UNK: variants seen among roughly 807,000 people sequenced by gnomAD.
The protein encoded by UNK is unk zinc finger, also known as RING finger protein unkempt homolog.
Under a neutral mutation model 97.6 loss-of-function variants are expected in UNK, and 32 were observed. That is an observed-to-expected ratio of 0.33 (90% confidence interval 0.25 to 0.44). UNK has a LOEUF of 0.44. Among genes scored for constraint, UNK ranks in the 20% least tolerant of loss-of-function variants. UNK has a pLI of 1.00. For missense variants in UNK, 771 were observed against 1,098.4 expected, an observed-to-expected ratio of 0.70 and a Z score of 4.21; for synonymous variants, 441 against 461.2, an observed-to-expected ratio of 0.96 and a Z score of 0.56.
chr17:75,799,985 C>T (rs1387197665), intron 1 of UNK, among the ~76,000 whole-genome samples: 1 of 152,132 alleles, frequency 6.6e-6, no homozygotes, highest in Admixed American at 6.6e-5. Context: ...ACAAAAAAAC[C>T]CAAGTGTAGA....
chr17:75,784,994 G>GCCCCCCCCCCC lies in UNK; in HGVS notation c.104+13_104+23dup, dbSNP rs11335367. ...AACCGCAGCACTACACGTACGTAGAGCCCCCCCCCCCCCGCCGCGCGCGCA... is the reference window on the plus strand; with the variant it reads ...AACCGCAGCACTACACGTACGTAGAGCCCCCCCCCCCCCCCCCCCCCCCCGCCGCGCGCGCA... On this transcript the variant is annotated intron_variant, in intron 1 of 15. Transcript: ENST00000589666. 13 of 987,884 alleles carry GCCCCCCCCCCC rather than the reference G, an allele frequency of 1.3e-5. No individual in the cohort carries two copies. Among genetic ancestry groups the GCCCCCCCCCCC allele is most frequent in the Admixed American group, 4.9e-5 (1 of 20,422 alleles). 61.2% of individuals were successfully genotyped at this position (987,884 alleles called of 1,614,324 possible).
Position 75,819,020 on chromosome 17 carries a change from T to A in UNK, c.1546+204T>A, listed in dbSNP as rs1197224197. On this transcript the variant is annotated intron_variant, in intron 11 of 15. Transcript: ENST00000589666. This position sits in a 1 kb window ranked among gnomAD's most constrained non-coding sequence, Gnocchi z 5.4. Reference sequence around the variant, plus strand: ...GCCAGGACTGACCCTTAGAGCTCCTTTGTGCAAATTAGAAAGAGGTGCCTT... The same window carrying A: ...GCCAGGACTGACCCTTAGAGCTCCTATGTGCAAATTAGAAAGAGGTGCCTT... 3.7e-6 allele frequency: 2 copies of A among 540,358 alleles called. No homozygotes were observed. Among genetic ancestry groups the A allele is most frequent in the Non-Finnish European group, 3.1e-6 (1 of 325,822 alleles). The allele number at this position is 540,358 out of a possible 1,614,324, so 33.5% of individuals were successfully genotyped here. A position where few individuals can be genotyped will look rare whatever the true frequency, so the allele number is the denominator to read the frequency against.
chr17:75,786,379 C>G (rs938620390), intron 1 of UNK, among the ~76,000 whole-genome samples: 9 of 152,140 alleles, frequency 5.9e-5, no homozygotes, highest in Admixed American at 1.3e-4. Context: ...AAAATAAACA[C>G]ATTTTGAGTC....
intron 13 of UNK, 85 bp from the exon 14 acceptor site, chr17:75,822,392 A>G: frequency 6.8e-7 from 1 of 1,466,494 alleles, no homozygotes; most frequent in Non-Finnish European, 9.2e-7. Flanking sequence ...GTGGACAGCC[A>G]GTCCCTGGAA....
At chr17:75,822,257 A>G (rs2062075723) in intron 13 of UNK, among the ~76,000 whole-genome samples, 1 of 152,196 alleles carries the variant, frequency 6.6e-6, no homozygotes. Flanking sequence ...GTTGAGTGGC[A>G]CCAACTAGCA....
chr17:75,813,385 GCCCAGCTTC>G (rs2061987983), intron 5 of UNK, among the ~76,000 whole-genome samples, 172 bp downstream of exon 5: 1 of 152,178 alleles, frequency 6.6e-6, no homozygotes, highest in Admixed American at 6.5e-5. Context: ...GACAGTAGGA[GCCCAGCTTC>G]ACCTCCTGCA....
intron 13 of UNK, chr17:75,821,994 G>C (rs575337606): frequency 9.0e-5 from 27 of 298,458 alleles, no homozygotes; most frequent in South Asian, 7.4e-4. Flanking sequence ...TGGCCCCAAG[G>C]CTCCCTGAGC....
chr17:75,800,906 A>G (rs2061850914), intron 1 of UNK, among the ~76,000 whole-genome samples: 2 of 149,946 alleles, frequency 1.3e-5, no homozygotes, highest in East Asian at 2.0e-4. Context: ...AGCATACCAC[A>G]TTTTTTGTTT....
intron 1 of UNK, chr17:75,793,489 A>G (rs1309051856): frequency 8.1e-6 from 8 of 985,220 alleles, no homozygotes; most frequent in Non-Finnish European, 9.6e-6. Context: ...GAAGGAGAAG[A>G]TGGAAAGGAG....
chr17:75,815,272 C>T lies in UNK; in HGVS notation c.961+19C>T, dbSNP rs779510404. On this transcript the variant is annotated intron_variant, in intron 7 of 15. Transcript: ENST00000589666. Reference sequence around the variant, plus strand: ...GTAGAACGTATGCTGTTCCCATTGCCCCGGGGCAGTGCCCTCTCCCACCCC... The same window carrying T: ...GTAGAACGTATGCTGTTCCCATTGCTCCGGGGCAGTGCCCTCTCCCACCCC... 1.9e-6 allele frequency: 3 copies of T among 1,605,358 alleles called. No individual in the cohort carries two copies. Among genetic ancestry groups the T allele is most frequent in the Non-Finnish European group, 2.6e-6 (3 of 1,174,112 alleles).
At chr17:75,792,119 C>T in intron 1 of UNK, 1 of 956,188 alleles carries the variant, frequency 1.0e-6, no homozygotes, top group Non-Finnish European at 1.2e-6. Flanking sequence ...TGCAGGCTTT[C>T]CTGCCAGACC....
chr17:75,791,156 G>A (rs1159736996), intron 1 of UNK, among the ~76,000 whole-genome samples: 1 of 152,148 alleles, frequency 6.6e-6, no homozygotes, highest in Non-Finnish European at 1.5e-5. Flanking sequence ...GTTTGCAGGA[G>A]TTTTCTGGCC....
rs1365579537 is a variant in UNK at position 75,816,955 on chromosome 17, A to G, written c.1104+43A>G. On this transcript the variant is annotated intron_variant, in intron 8 of 15. Transcript: ENST00000589666. The surrounding 1 kb of genome is among the most constrained non-coding windows in gnomAD (Gnocchi z 4.0). ...GGAGTGGGTGGGCACCATGCCTGAC[A>G]GAGCCAATACTTGCCTCCTAGGCCC... 3 of 1,572,458 alleles carry G rather than the reference A, an allele frequency of 1.9e-6. No homozygotes were observed. Among genetic ancestry groups the G allele is most frequent in the Non-Finnish European group, 1.7e-6 (2 of 1,165,068 alleles).
chr17:75,820,805 G>A (rs942934128), intron 13 of UNK, among the ~76,000 whole-genome samples: 1 of 152,170 alleles, frequency 6.6e-6, no homozygotes, highest in Non-Finnish European at 1.5e-5. Flanking sequence ...CTCTCCCCCA[G>A]CAGCTGCAGA....
Position 75,823,297 on chromosome 17 carries a change from G to A in UNK, c.2052G>A (p.Glu684=). The A allele has an allele frequency of 1.2e-6, 2 of 1,607,310 alleles. No homozygotes were observed. Among genetic ancestry groups the A allele is most frequent in the Non-Finnish European group, 1.7e-6 (2 of 1,175,842 alleles). ...ATGCCTGGAAGAAAGAGGCGGAGGA[G>A]GCTGGTGAGCGGGCCAGTGCGGCGG... ...ACDAWKKEAE[E]AGERASAAGA... The change falls in exon 15 of 16, where the codon GAG becomes GAA. Residue 684 remains glutamate (E), a synonymous_variant. Coordinates refer to ENST00000589666, the MANE Select transcript of UNK (RefSeq NM_001080419.3).
chr17:75,799,514 T>A (rs967943509), intron 1 of UNK, among the ~76,000 whole-genome samples: 2 of 152,210 alleles, frequency 1.3e-5, no homozygotes, highest in Non-Finnish European at 2.9e-5. Flanking sequence ...GAGTTGCTCC[T>A]CTGTGTTTTG....
At chr17:75,822,904 C>G (rs531436213) in intron 14 of UNK, among the ~76,000 whole-genome samples, 2 of 152,362 alleles carry the variant, frequency 1.3e-5, no homozygotes, top group East Asian at 1.9e-4. Context: ...CCAGGATCAC[C>G]TGCCTCCTCC....
rs185763753 is a variant in UNK, at chr17:75,811,631, G to A, written c.315-481G>A. ...AGCAGCAGGGCAGTTCTGTTACCTC[G>A]CAGCAGGGCTCATCATTGCCTTCTT... is the stretch of plus-strand genomic sequence containing the variant. On this transcript the variant is annotated intron_variant, in intron 2 of 15. Transcript: ENST00000589666. Among the ~76,000 whole-genome samples the A allele has an allele frequency of 8.8e-4, 134 of 152,220 alleles. 2 individuals carry two copies. Among genetic ancestry groups the A allele is most frequent in the Admixed American group, 8.1e-3 (124 of 15,294 alleles).
intron 1 of UNK, among the ~76,000 whole-genome samples, chr17:75,798,040 A>G (rs1485172926): frequency 6.7e-6 from 1 of 149,256 alleles, no homozygotes; most frequent in Non-Finnish European, 1.5e-5. Context: ...GCAGACATGC[A>G]CTCCACAAAA....
Sources: allele counts gnomAD v4.1 joint callset (sites outside exome capture counted in the v4.1 genomes callset), GRCh38; gene constraint gnomAD v4.1.1; non-coding constraint Gnocchi (gnomAD v3.1); transcripts MANE v1.5; gene names NCBI Gene and HGNC (gene_info 2026-07-23, HGNC 2026-07-21).